The following TRHDE variants were observed in gnomAD, a reference collection of about 807,000 sequenced individuals.
The protein encoded by TRHDE is thyrotropin releasing hormone degrading enzyme, also known as thyrotropin-releasing hormone-degrading ectoenzyme.
TRHDE carries 72 observed loss-of-function variants against 125.7 expected under a neutral mutation model. The ratio of observed to expected loss-of-function variants is 0.57; its 90% confidence interval spans 0.47 to 0.70. TRHDE has a LOEUF of 0.70. Ranked by LOEUF, TRHDE falls within the 30% of genes least tolerant of loss-of-function variation. The probability of loss-of-function intolerance (pLI) is 0.00; values close to 1 mark genes in which losing one functional copy is unlikely to be tolerated. For synonymous variants in TRHDE, 509 were observed against 509.1 expected, an observed-to-expected ratio of 1.00 and a Z score of 0.00; for missense variants, 1,110 against 1,327.1, an observed-to-expected ratio of 0.84 and a Z score of 2.54.
intron 2 of TRHDE, among the ~76,000 whole-genome samples, chr12:72,361,265 A>G (rs1038213626): frequency 6.6e-6 from 1 of 151,852 alleles, no homozygotes; most frequent in African/African-American, 2.4e-5. Context: ...GGATTTATTC[A>G]GGTGTTTTGT....
intron 2 of TRHDE, among the ~76,000 whole-genome samples, chr12:72,211,460 AAAAT>A (rs1402030229): frequency 6.6e-6 from 1 of 152,238 alleles, no homozygotes; most frequent in Non-Finnish European, 1.5e-5. Context: ...TTATAAAGAT[AAAAT>A]AGTCAGTCTA....
intron 2 of TRHDE, among the ~76,000 whole-genome samples, chr12:72,353,022 C>A (rs1027798575): frequency 6.6e-6 from 1 of 151,234 alleles, no homozygotes; most frequent in East Asian, 1.9e-4. Context: ...CCCAATACAA[C>A]CATGAATACA....
intron 2 of TRHDE, among the ~76,000 whole-genome samples, chr12:72,150,331 A>G (rs932736152): frequency 4.6e-5 from 7 of 152,266 alleles, no homozygotes; most frequent in African/African-American, 1.2e-4. Context: ...TTTCTAGGCA[A>G]TTGTCCCAGC....
chr12:72,321,134 G>A (rs1005571377), intron 2 of TRHDE, among the ~76,000 whole-genome samples: 1 of 152,080 alleles, frequency 6.6e-6, no homozygotes, highest in African/African-American at 2.4e-5. Flanking sequence ...TGTCATTTTC[G>A]ATAGAGGCAT....
chr12:72,122,554 G>GT (rs933915071), intron 2 of TRHDE, among the ~76,000 whole-genome samples: 22 of 151,892 alleles, frequency 1.4e-4, no homozygotes, highest in South Asian at 4.2e-4. Flanking sequence ...TTTCTAGAGA[G>GT]TTTTTTTTCA....
intron 2 of TRHDE, among the ~76,000 whole-genome samples, chr12:72,129,802 A>G (rs564893945): frequency 6.6e-6 from 1 of 152,354 alleles, no homozygotes; most frequent in South Asian, 2.1e-4. Flanking sequence ...TGAATGCAAA[A>G]TCCAATAATA....
intron 3 of TRHDE, among the ~76,000 whole-genome samples, chr12:72,434,701 C>T (rs1461887590): frequency 1.3e-5 from 2 of 152,190 alleles, no homozygotes; most frequent in African/African-American, 4.8e-5. Context: ...ATGCATGTCT[C>T]TTGAAATCCA....
At position 72,238,315 on chromosome 12, in the gene TRHDE, T is replaced by TATACACACACATATAC. The variant is rs1555170270; in HGVS notation, n.279+132566_279+132567insCACACACATATACATA. ...ATATATATATATATATATATATATA[T>TATACACACACATATAC]ATATATACATATATATATACACATT... On this transcript the variant is annotated intron_variant and non_coding_transcript_variant, in intron 2 of 4. Transcript: ENST00000548156. Among the ~76,000 whole-genome samples, 8 of 32,034 alleles carry TATACACACACATATAC rather than the reference T, an allele frequency of 2.5e-4. 1 individual carries two copies. The highest frequency in any genetic ancestry group is 9.7e-4 in the African/African-American group (8 of 8,276). 21.0% of individuals were successfully genotyped at this position (32,034 alleles called of 152,430 possible).
chr12:72,241,952 A>G (rs1229205406), intron 2 of TRHDE, among the ~76,000 whole-genome samples: 3 of 152,178 alleles, frequency 2.0e-5, no homozygotes, highest in Non-Finnish European at 4.4e-5. Context: ...TGCTTTACAT[A>G]TGTCCACTGT....
At chr12:72,548,196 G>A (rs986280883) in intron 7 of TRHDE, among the ~76,000 whole-genome samples, 3 of 151,614 alleles carry the variant, frequency 2.0e-5, no homozygotes, top group African/African-American at 7.3e-5. Flanking sequence ...TGTGGTACCT[G>A]GAGTATAAAT....
At chr12:72,649,574 G>C (rs1450371537) in intron 15 of TRHDE, among the ~76,000 whole-genome samples, 1 of 151,962 alleles carries the variant, frequency 6.6e-6, no homozygotes, top group Admixed American at 6.6e-5. Flanking sequence ...GCACAGCAAA[G>C]GGAACAATCA....
intron 3 of TRHDE, among the ~76,000 whole-genome samples, chr12:72,402,181 A>G (rs994377544): frequency 6.6e-6 from 1 of 151,994 alleles, no homozygotes; most frequent in African/African-American, 2.4e-5. Flanking sequence ...GGGGTGTCCA[A>G]TCTTTTGGCT....
intron 2 of TRHDE, among the ~76,000 whole-genome samples, chr12:72,228,912 T>C (rs546041958): frequency 6.6e-6 from 1 of 152,292 alleles, no homozygotes; most frequent in East Asian, 1.9e-4. Flanking sequence ...AACAAGTTCC[T>C]CATCTCCATC....
At chr12:72,266,789 G>A (rs556160805) in intron 2 of TRHDE, among the ~76,000 whole-genome samples, 23 of 152,118 alleles carry the variant, frequency 1.5e-4, no homozygotes, top group Non-Finnish European at 2.7e-4. Flanking sequence ...GCGTGGCTTT[G>A]AATTCCAACT....
At chr12:72,382,773 A>G (rs147793435) in intron 3 of TRHDE, among the ~76,000 whole-genome samples, 2 of 152,302 alleles carry the variant, frequency 1.3e-5, no homozygotes, top group African/African-American at 2.4e-5. Flanking sequence ...TCTTCTCTTA[A>G]AAGTCATTTT....
At chr12:72,445,299 A>T (rs1043692528) in intron 3 of TRHDE, among the ~76,000 whole-genome samples, 1 of 151,874 alleles carries the variant, frequency 6.6e-6, no homozygotes, top group Non-Finnish European at 1.5e-5. Context: ...TCTACATGTC[A>T]TGTATAATAC....
intron 6 of TRHDE, among the ~76,000 whole-genome samples, chr12:72,531,491 T>C (rs1868552661): frequency 6.6e-6 from 1 of 152,106 alleles, no homozygotes; most frequent in African/African-American, 2.4e-5. Context: ...TTCTCCTTTA[T>C]ACTTCATACT....
At chr12:72,570,578 CAAAAA>C (rs572094533) in intron 10 of TRHDE, among the ~76,000 whole-genome samples, 37 of 58,460 alleles carry the variant, frequency 6.3e-4, no homozygotes, top group Admixed American at 1.5e-3. Flanking sequence ...GAGACTGTCT[CAAAAA>C]AAAAAAAAAA....
intron 3 of TRHDE, among the ~76,000 whole-genome samples, chr12:72,453,286 CTTGG>C (rs1875671511): frequency 6.6e-6 from 1 of 152,106 alleles, no homozygotes; most frequent in East Asian, 1.9e-4. Flanking sequence ...AAGCAAAGAA[CTTGG>C]TTGGATTGTG....
Sources: allele counts gnomAD v4.1 joint callset (sites outside exome capture counted in the v4.1 genomes callset), GRCh38; gene constraint gnomAD v4.1.1; transcripts MANE v1.5; gene names NCBI Gene and HGNC (gene_info 2026-07-23, HGNC 2026-07-21).